ANO3: variants seen among roughly 807,000 people sequenced by gnomAD.
The protein encoded by ANO3 is anoctamin-3.
In ANO3, 99 loss-of-function variants were observed where a neutral mutation model predicts 144.8. The observed-to-expected ratio is 0.68, with a 90% CI of 0.58 to 0.81. ANO3 has a LOEUF of 0.81. Ranked by LOEUF, ANO3 falls within the 30% of genes least tolerant of loss-of-function variation. The pLI is 0.00. For synonymous variants in ANO3, 414 were observed against 392.6 expected, an observed-to-expected ratio of 1.05 and a Z score of -0.64; for missense variants, 905 against 1,202.2, an observed-to-expected ratio of 0.75 and a Z score of 3.66.
chr11:26,630,683 C>G (rs1460795941), intron 18 of ANO3, among the ~76,000 whole-genome samples: 2 of 152,190 alleles, frequency 1.3e-5, no homozygotes, highest in Non-Finnish European at 2.9e-5. Context: ...CCTTATGCCA[C>G]TAGGCTTAGT....
In ANO3 at chr11:26,317,096, T is replaced by C. The variant is rs1425574464; in HGVS notation, c.-3+7377T>C. 2.6e-5 allele frequency among the ~76,000 whole-genome samples: 4 copies of C among 152,066 alleles called. No individual in the cohort carries two copies. The East Asian group carries it at 7.8e-4, about 29-fold the overall frequency. ...AAGGTATGCCTGTTAGGAAAATAAA[T>C]TATAAGGTAACACTAGTTCTGGGTA... On this transcript the variant is annotated intron_variant, in intron 1 of 26. Transcript: ENST00000525139.
At chr11:26,277,940 C>T (rs552168380) in intron 1 of ANO3, among the ~76,000 whole-genome samples, 2 of 152,118 alleles carry the variant, frequency 1.3e-5, no homozygotes, top group South Asian at 4.1e-4. Context: ...CATTTCCAAG[C>T]ATGAATTGGT....
intron 17 of ANO3, among the ~76,000 whole-genome samples, chr11:26,603,038 G>A (rs1851843195): frequency 6.6e-6 from 1 of 152,118 alleles, no homozygotes; most frequent in South Asian, 2.1e-4. Flanking sequence ...TCTTATCATA[G>A]GCACCGTATT....
At chr11:26,493,999 A>C (rs1860823254) in intron 4 of ANO3, among the ~76,000 whole-genome samples, 1 of 152,212 alleles carries the variant, frequency 6.6e-6, no homozygotes, top group African/African-American at 2.4e-5. Context: ...GATAGTTTTC[A>C]AAATAATTTT....
intron 23 of ANO3, among the ~76,000 whole-genome samples, chr11:26,646,918 A>T (rs1331367839): frequency 6.6e-6 from 1 of 152,114 alleles, no homozygotes; most frequent in Non-Finnish European, 1.5e-5. Flanking sequence ...AAACTTTAAC[A>T]TGTTTTTAAA....
chr11:26,307,196 A>T (rs1002837926), upstream of ANO3, among the ~76,000 whole-genome samples: 1 of 151,248 alleles, frequency 6.6e-6, no homozygotes, highest in Non-Finnish European at 1.5e-5. Flanking sequence ...TCTACTAAAA[A>T]TACAAAAATT....
At chr11:26,536,629 C>T (rs1849516597) in intron 9 of ANO3, among the ~76,000 whole-genome samples, 2 of 151,800 alleles carry the variant, frequency 1.3e-5, no homozygotes, top group East Asian at 3.9e-4. Flanking sequence ...TAAAAAATTA[C>T]CATTATGAAT....
intron 21 of ANO3, among the ~76,000 whole-genome samples, chr11:26,641,347 T>C (rs1341291324): frequency 1.3e-5 from 2 of 152,162 alleles, no homozygotes; most frequent in East Asian, 1.9e-4. Flanking sequence ...GGCTAATGCA[T>C]TGCAGGATGG....
At chr11:26,318,828 T>C (rs1381218397) in intron 1 of ANO3, among the ~76,000 whole-genome samples, 2 of 152,230 alleles carry the variant, frequency 1.3e-5, no homozygotes, top group Non-Finnish European at 2.9e-5. Context: ...TATGGATAAA[T>C]CTGGTGGATA....
At chr11:26,322,750 C>A (rs1212703637) in intron 1 of ANO3, among the ~76,000 whole-genome samples, 1 of 152,028 alleles carries the variant, frequency 6.6e-6, no homozygotes, top group African/African-American at 2.4e-5. Flanking sequence ...TATCAGGTTT[C>A]TCTACTGTAA....
chr11:26,234,407 C>T (rs1852470173), intron 1 of ANO3, among the ~76,000 whole-genome samples: 1 of 152,138 alleles, frequency 6.6e-6, no homozygotes, highest in Admixed American at 6.5e-5. Context: ...CAAATTGCGA[C>T]TTAGACAATT....
chr11:26,372,758 G>T (rs1856297190), intron 1 of ANO3, among the ~76,000 whole-genome samples: 1 of 152,148 alleles, frequency 6.6e-6, no homozygotes, highest in Non-Finnish European at 1.5e-5. Flanking sequence ...AACGAATGGT[G>T]ATTGGTGCCA....
intron 1 of ANO3, among the ~76,000 whole-genome samples, chr11:26,351,413 T>A (rs1233721072): frequency 6.6e-6 from 1 of 152,162 alleles, no homozygotes; most frequent in South Asian, 2.1e-4. Flanking sequence ...TTTTCATTTT[T>A]AAAATATATT....
At position 26,451,448 on chromosome 11, in the gene ANO3, C is replaced by T. The variant is rs890525292; in HGVS notation, c.313+7612C>T. ...AGGAGATTAAATCCTGCACCTGGCTCGGAGGGTCCTACGCCCACGGAGTCT... is the reference window on the plus strand; with the variant it reads ...AGGAGATTAAATCCTGCACCTGGCTTGGAGGGTCCTACGCCCACGGAGTCT... On this transcript the variant is annotated intron_variant, in intron 3 of 26. Coordinates refer to ENST00000256737, the MANE Select transcript of ANO3 (RefSeq NM_031418.4). Among the ~76,000 whole-genome samples, 21 of 152,312 alleles carry T rather than the reference C, an allele frequency of 1.4e-4. No homozygotes were observed. The South Asian group carries it at 2.9e-3, about 21-fold the overall frequency.
chr11:26,189,485 A>G (rs1408787421), intron 1 of ANO3, among the ~76,000 whole-genome samples: 2 of 152,218 alleles, frequency 1.3e-5, no homozygotes, highest in Non-Finnish European at 2.9e-5. Flanking sequence ...CCCAAAATGT[A>G]TAAATAGACT....
At chr11:26,599,528 T>C (rs1851732782) in intron 16 of ANO3, 22 bp from the exon 17 acceptor site, 1 of 1,598,672 alleles carries the variant, frequency 6.3e-7, no homozygotes, top group Non-Finnish European at 8.5e-7. Flanking sequence ...ATGGATGTTT[T>C]TTCTGGTGTC....
intron 18 of ANO3, among the ~76,000 whole-genome samples, chr11:26,626,358 A>C (rs1386279274): frequency 6.6e-6 from 1 of 152,242 alleles, no homozygotes; most frequent in African/African-American, 2.4e-5. Flanking sequence ...GGAGAGCCTC[A>C]GACAACAATG....
At chr11:26,482,426 A>ATGTGTGTGTGTGTG (rs58664691) in intron 4 of ANO3, among the ~76,000 whole-genome samples, 1 of 141,046 alleles carries the variant, frequency 7.1e-6, no homozygotes, top group African/African-American at 2.6e-5. Context: ...ACACAGATAT[A>ATGTGTGTGTGTGTG]TGTGTGTGTG....
intron 1 of ANO3, among the ~76,000 whole-genome samples, chr11:26,197,300 C>A (rs542164300): frequency 7.2e-5 from 11 of 152,222 alleles, no homozygotes; most frequent in African/African-American, 2.6e-4. Flanking sequence ...AAAACACTGT[C>A]TGTATTGAAT....
Sources: allele counts gnomAD v4.1 joint callset (sites outside exome capture counted in the v4.1 genomes callset), GRCh38; gene constraint gnomAD v4.1.1; transcripts MANE v1.5; gene names NCBI Gene and HGNC (gene_info 2026-07-23, HGNC 2026-07-21).